MKLN1: variants seen among roughly 807,000 people sequenced by gnomAD.
MKLN1 encodes muskelin 1.
Under a neutral mutation model 99.0 loss-of-function variants are expected in MKLN1, and 18 were observed. That is an observed-to-expected ratio of 0.18 (90% CI 0.13 to 0.27). MKLN1 has a LOEUF of 0.27. Among genes scored for constraint, MKLN1 ranks in the 10% least tolerant of loss-of-function variants. The probability of loss-of-function intolerance (pLI) is 1.00; values close to 1 mark genes in which losing one functional copy is unlikely to be tolerated. For synonymous variants in MKLN1, 288 were observed against 293.2 expected (o/e 0.98, Z 0.18); for missense variants, 621 against 875.9 (o/e 0.71, Z 3.67).
At chr7:131,229,832 G>A (rs931356857) in intron 3 of MKLN1, among the ~76,000 whole-genome samples, 2 of 152,156 alleles carry the variant, frequency 1.3e-5, no homozygotes, top group African/African-American at 4.8e-5. Context: ...AGGATTACAA[G>A]CCCAAGCCAC....
chr7:131,465,869 G>T (rs1562880341), intron 14 of MKLN1, among the ~76,000 whole-genome samples: 1 of 152,102 alleles, frequency 6.6e-6, no homozygotes, highest in African/African-American at 2.4e-5. Context: ...TAGTTGACCT[G>T]TTGACTGTTA....
chr7:131,212,770 A>G (rs1441305024), intron 3 of MKLN1, among the ~76,000 whole-genome samples: 3 of 151,990 alleles, frequency 2.0e-5, no homozygotes, highest in African/African-American at 7.2e-5. Context: ...CTAAAAATAC[A>G]AAATTAGCCG....
chr7:131,334,168 G>T (rs1367907966), intron 1 of MKLN1, among the ~76,000 whole-genome samples: 2 of 152,118 alleles, frequency 1.3e-5, no homozygotes, highest in Non-Finnish European at 2.9e-5. Flanking sequence ...ACAGATAATG[G>T]TGGTTATGAA....
In MKLN1 at chr7:131,445,861, G is replaced by A. The variant is rs1563352954; in HGVS notation, c.1483G>A (p.Val495Ile). 1.2e-6 allele frequency: 2 copies of A among 1,605,218 alleles called. No individual in the cohort carries two copies. Among genetic ancestry groups the A allele is most frequent in the Admixed American group, 1.7e-5 (1 of 59,886 alleles). ...TAGTTATGATGTGGACTCTGATCATGTAGACATAATATCAGATGGCACCAA... is the reference window on the plus strand; with the variant it reads ...TAGTTATGATGTGGACTCTGATCATATAGACATAATATCAGATGGCACCAA... ...FFSYDVDSDHVDIISDGTKKD... is the reference protein window; with the variant it reads ...FFSYDVDSDHIDIISDGTKKD... The change falls in exon 12 of 18, where the codon GTA (valine) becomes ATA (isoleucine). Residue 495 changes from valine to isoleucine, a missense_variant. Transcript: ENST00000352689.
chr7:131,207,285 C>G (rs1052842999), intron 3 of MKLN1, among the ~76,000 whole-genome samples: 18 of 152,216 alleles, frequency 1.2e-4, no homozygotes, highest in African/African-American at 4.1e-4. Flanking sequence ...GCAGCCTCCA[C>G]CTCCCCGGTT....
intron 3 of MKLN1, among the ~76,000 whole-genome samples, chr7:131,206,835 C>T (rs1202342009): frequency 6.6e-6 from 1 of 152,168 alleles, no homozygotes; most frequent in Non-Finnish European, 1.5e-5. Flanking sequence ...GGATTATGGG[C>T]ATGAGCCCCC....
At chr7:131,274,069 C>A (rs17165530) in intron 3 of MKLN1, among the ~76,000 whole-genome samples, 1 of 151,962 alleles carries the variant, frequency 6.6e-6, no homozygotes, top group Non-Finnish European at 1.5e-5. Flanking sequence ...ATAGGGACAA[C>A]TGTGCTGAGG....
chr7:131,150,621 G>A (rs766421867), intron 2 of MKLN1, among the ~76,000 whole-genome samples: 1 of 148,744 alleles, frequency 6.7e-6, no homozygotes, highest in Non-Finnish European at 1.5e-5. Context: ...TTGAGTTTAT[G>A]TGCAGTATAT....
intron 2 of MKLN1, among the ~76,000 whole-genome samples, chr7:131,196,628 A>G (rs1796649325): frequency 6.6e-6 from 1 of 152,136 alleles, no homozygotes; most frequent in African/African-American, 2.4e-5. Context: ...GCATGTTTGC[A>G]TAGAATGTGT....
At chr7:131,411,864 G>T (rs1402052097) in intron 7 of MKLN1, among the ~76,000 whole-genome samples, 1 of 128,042 alleles carries the variant, frequency 7.8e-6, no homozygotes, top group Admixed American at 1.0e-4. Flanking sequence ...CTGAGATCAT[G>T]CTATTGTACT....
At chr7:131,321,547 T>C (rs1798776461) in intron 3 of MKLN1, among the ~76,000 whole-genome samples, 1 of 152,108 alleles carries the variant, frequency 6.6e-6, no homozygotes, top group Non-Finnish European at 1.5e-5. Context: ...GTAACAAACC[T>C]GTACATTCTG....
chr7:131,414,542 GGGT>G (rs1244401701), intron 7 of MKLN1, 100 bp from the exon 8 acceptor site: 1 of 653,266 alleles, frequency 1.5e-6, no homozygotes, highest in Non-Finnish European at 2.5e-6. Context: ...GAAAAAATAA[GGGT>G]GGGTTATTTT....
chr7:131,231,499 G>A (rs1797243837), intron 3 of MKLN1, among the ~76,000 whole-genome samples: 1 of 152,144 alleles, frequency 6.6e-6, no homozygotes, highest in South Asian at 2.1e-4. Flanking sequence ...TCAGAGAACT[G>A]ACATTAGAAC....
intron 3 of MKLN1, among the ~76,000 whole-genome samples, chr7:131,254,205 G>A (rs545410631): frequency 2.0e-5 from 3 of 152,290 alleles, no homozygotes; most frequent in African/African-American, 7.2e-5. Context: ...TGTACCTTTT[G>A]AGGAGCAACG....
At chr7:131,400,893 A>T (rs1168921504) in intron 6 of MKLN1, among the ~76,000 whole-genome samples, 2 of 152,122 alleles carry the variant, frequency 1.3e-5, no homozygotes, top group African/African-American at 4.8e-5. Context: ...CAGCCACATC[A>T]TAGTTTTTGT....
At chr7:131,283,511 T>C (rs1422239539) in intron 3 of MKLN1, among the ~76,000 whole-genome samples, 1 of 150,830 alleles carries the variant, frequency 6.6e-6, no homozygotes, top group Non-Finnish European at 1.5e-5. Flanking sequence ...CACAGCTCAC[T>C]GCAGCCTTGA....
At chr7:131,448,790 C>T (rs1233866664) in intron 12 of MKLN1, among the ~76,000 whole-genome samples, 1 of 152,164 alleles carries the variant, frequency 6.6e-6, no homozygotes, top group East Asian at 1.9e-4. Flanking sequence ...AATTGGTTTA[C>T]ACAATTGAAT....
intron 3 of MKLN1, among the ~76,000 whole-genome samples, chr7:131,205,835 T>A (rs1796801580): frequency 6.6e-6 from 1 of 151,936 alleles, no homozygotes; most frequent in Admixed American, 6.6e-5. Flanking sequence ...CACCCTTAAA[T>A]CTTTCTCACC....
intron 1 of MKLN1, among the ~76,000 whole-genome samples, chr7:131,120,425 TG>T (rs1795347662): frequency 6.7e-6 from 1 of 148,334 alleles, no homozygotes; most frequent in Admixed American, 6.7e-5. Context: ...GGTGGGCGCC[TG>T]TAGTCCCAGC....
Sources: allele counts gnomAD v4.1 joint callset (sites outside exome capture counted in the v4.1 genomes callset), GRCh38; gene constraint gnomAD v4.1.1; transcripts MANE v1.5; gene names NCBI Gene and HGNC (gene_info 2026-07-23, HGNC 2026-07-21).